The following HDAC9 variants were observed in gnomAD, a reference collection of about 807,000 sequenced individuals.
HDAC9 encodes the protein histone deacetylase 9, also known as MEF-2 interacting transcription repressor (MITR) protein.
Under a neutral mutation model 139.4 loss-of-function variants are expected in HDAC9, and 41 were observed. That is an observed-to-expected ratio of 0.29 (90% confidence interval 0.23 to 0.38). The LOEUF (loss-of-function observed/expected upper bound fraction) is 0.38. Among genes scored for constraint, HDAC9 ranks in the 10% least tolerant of loss-of-function variants. The probability of loss-of-function intolerance (pLI) is 1.00; values close to 1 mark genes in which losing one functional copy is unlikely to be tolerated. For missense variants in HDAC9, 1,147 were observed against 1,297.0 expected (o/e 0.88, Z 1.78); for synonymous variants, 517 against 476.2 (o/e 1.09, Z -1.12).
chr7:18,100,537 A>G (rs1011912705), intron 1 of HDAC9, among the ~76,000 whole-genome samples: 1 of 152,012 alleles, frequency 6.6e-6, no homozygotes, highest in Non-Finnish European at 1.5e-5. Context: ...CTTCAAGTTC[A>G]TTACCAAGTA....
chr7:18,584,132 G>A (rs1828694253), intron 2 of HDAC9, among the ~76,000 whole-genome samples: 1 of 135,798 alleles, frequency 7.4e-6, no homozygotes, highest in Non-Finnish European at 1.6e-5. Flanking sequence ...CCTTTAGAAA[G>A]CAGCATTCTT....
chr7:18,850,332 T>A (rs532028760), intron 21 of HDAC9, among the ~76,000 whole-genome samples: 1 of 152,250 alleles, frequency 6.6e-6, no homozygotes, highest in African/African-American at 2.4e-5. Flanking sequence ...GGCTGAAATA[T>A]GCAATATTTA....
At chr7:18,260,233 C>G (rs1365774040) in intron 2 of HDAC9, among the ~76,000 whole-genome samples, 2 of 151,000 alleles carry the variant, frequency 1.3e-5, no homozygotes, top group Non-Finnish European at 2.9e-5. Context: ...TATGACCATG[C>G]TTCTGAGTAT....
intron 2 of HDAC9, among the ~76,000 whole-genome samples, chr7:18,538,499 C>T (rs1329536963): frequency 6.6e-6 from 1 of 152,190 alleles, no homozygotes; most frequent in African/African-American, 2.4e-5. Context: ...TATTCATACA[C>T]TTGAATTTTA....
At chr7:18,437,410 A>G (rs984420932) in intron 1 of HDAC9, among the ~76,000 whole-genome samples, 35 of 152,176 alleles carry the variant, frequency 2.3e-4, no homozygotes, top group Non-Finnish European at 4.1e-4. Flanking sequence ...AAGCCTTTGC[A>G]TCTTTATGTG....
At position 18,886,884 on chromosome 7, in the gene HDAC9, A is replaced by AT. The variant is rs1436630701; in HGVS notation, c.2803+12292dup. On this transcript the variant is annotated intron_variant, in intron 22 of 25. Coordinates refer to ENST00000686413, the MANE Select transcript of HDAC9 (RefSeq NM_178425.4). ...TGGCCTGACATCTCCATAACCGTAGATTTTGACCCTTTATTATGATGATTG... is the reference window on the plus strand; with the variant it reads ...TGGCCTGACATCTCCATAACCGTAGATTTTTGACCCTTTATTATGATGATTG... 2.0e-4 allele frequency among the ~76,000 whole-genome samples: 30 copies of AT among 152,342 alleles called. 1 individual carries two copies. The highest frequency in any genetic ancestry group is 6.3e-4 in the African/African-American group (26 of 41,580).
chr7:18,753,362 G>A (rs1183578618), intron 14 of HDAC9, among the ~76,000 whole-genome samples: 1 of 152,094 alleles, frequency 6.6e-6, no homozygotes. Context: ...AGAGACAGAG[G>A]AGGTAATGTT....
chr7:18,485,373 G>A (rs1444001412), intron 1 of HDAC9, among the ~76,000 whole-genome samples: 6 of 151,520 alleles, frequency 4.0e-5, no homozygotes, highest in Non-Finnish European at 7.4e-5. Context: ...GAATATGAAT[G>A]GTTTGTTTAG....
intron 12 of HDAC9, among the ~76,000 whole-genome samples, chr7:18,722,316 T>G (rs538646346): frequency 3.3e-5 from 5 of 152,226 alleles, no homozygotes; most frequent in Non-Finnish European, 5.9e-5. Context: ...GTGGAGAGCA[T>G]GTTAACTATT....
chr7:18,594,101 T>C, intron 6 of HDAC9, 72 bp downstream of exon 6: 1 of 1,520,130 alleles, frequency 6.6e-7, no homozygotes, highest in African/African-American at 1.4e-5. Flanking sequence ...GCCACACCTC[T>C]AGAAGAAAGT....
At chr7:18,764,207 A>G (rs1279964974) in intron 15 of HDAC9, among the ~76,000 whole-genome samples, 1 of 152,212 alleles carries the variant, frequency 6.6e-6, no homozygotes, top group Non-Finnish European at 1.5e-5. Flanking sequence ...GCAAGTACCT[A>G]TGATTCAATG....
intron 1 of HDAC9, among the ~76,000 whole-genome samples, chr7:18,439,314 A>G (rs958633487): frequency 2.6e-5 from 4 of 152,158 alleles, no homozygotes; most frequent in Non-Finnish European, 4.4e-5. Context: ...ACGGTTTTCT[A>G]TAAATACTGG....
At chr7:18,645,471 A>T (rs1387665907) in intron 9 of HDAC9, among the ~76,000 whole-genome samples, 1 of 152,144 alleles carries the variant, frequency 6.6e-6, no homozygotes, top group African/African-American at 2.4e-5. Flanking sequence ...CCTAGAAGTG[A>T]TTCCTTGTTC....
chr7:18,974,070 T>C (rs1784410765), intron 24 of HDAC9, among the ~76,000 whole-genome samples: 1 of 152,200 alleles, frequency 6.6e-6, no homozygotes. Flanking sequence ...AGACTCTTCC[T>C]ATGTTCTAGT....
At chr7:18,302,233 A>C (rs1798585274) in intron 1 of HDAC9, among the ~76,000 whole-genome samples, 1 of 152,216 alleles carries the variant, frequency 6.6e-6, no homozygotes, top group South Asian at 2.1e-4. Flanking sequence ...CTTAATTGAC[A>C]CTTGTGACAT....
intron 1 of HDAC9, among the ~76,000 whole-genome samples, chr7:18,476,355 A>G (rs555942319): frequency 6.6e-6 from 1 of 152,304 alleles, no homozygotes; most frequent in East Asian, 1.9e-4. Flanking sequence ...CAATATCCTC[A>G]TGACTTAATG....
At chr7:18,343,458 T>C (rs1782166017) in intron 1 of HDAC9, among the ~76,000 whole-genome samples, 1 of 151,876 alleles carries the variant, frequency 6.6e-6, no homozygotes, top group Admixed American at 6.6e-5. Context: ...CAAATCATCA[T>C]AGAATTCAGA....
chr7:18,174,260 T>C (rs1788698851), intron 2 of HDAC9, among the ~76,000 whole-genome samples: 1 of 152,248 alleles, frequency 6.6e-6, no homozygotes, highest in African/African-American at 2.4e-5. Context: ...AGCTTGTGCA[T>C]GCGTCATGTA....
chr7:18,612,668 T>C (rs956612676), intron 6 of HDAC9, among the ~76,000 whole-genome samples: 54 of 2,230 alleles, frequency 0.024, no homozygotes, highest in Non-Finnish European at 0.023. Context: ...AACATTTTAA[T>C]CCTTTCCATT....
Sources: gnomAD v4.1 joint callset for allele counts (sites outside exome capture counted in the v4.1 genomes callset) on GRCh38, gnomAD v4.1.1 for gene constraint, MANE v1.5 for transcripts, NCBI Gene and HGNC (gene_info 2026-07-23, HGNC 2026-07-21) for gene names.